Variants in GPHN observed in about 807,000 individuals in gnomAD.
GPHN encodes the protein gephyrin.
GPHN carries 17 observed loss-of-function variants against 95.5 expected under a neutral mutation model. That is an observed-to-expected ratio of 0.18 (90% CI 0.12 to 0.27). The LOEUF (loss-of-function observed/expected upper bound fraction) is 0.27, where lower values mean the gene tolerates loss of function less well. Ranked by LOEUF, GPHN falls within the 10% of genes least tolerant of loss-of-function variation. The pLI, the probability that GPHN is intolerant of heterozygous loss-of-function variation, is 1.00. For synonymous variants in GPHN, 320 were observed against 322.5 expected (o/e 0.99, Z 0.08); for missense variants, 660 against 978.1 (o/e 0.67, Z 4.34).
chr14:67,707,669 G>A, the GPHN span, among the ~76,000 whole-genome samples: 3 of 152,100 alleles, frequency 2.0e-5, no homozygotes, highest in Admixed American at 6.6e-5. Context: ...TTTTACATAG[G>A]CTTTTAAATT....
the GPHN span, among the ~76,000 whole-genome samples, chr14:67,639,556 T>C: frequency 6.6e-6 from 1 of 152,098 alleles, no homozygotes; most frequent in Non-Finnish European, 1.5e-5. Flanking sequence ...TAATGGTTGA[T>C]GTGATTTAAG....
the GPHN span, chr14:67,573,500 T>C: frequency 1.3e-6 from 1 of 759,760 alleles, no homozygotes; most frequent in South Asian, 1.7e-5. The surrounding 1 kb of genome is among the most constrained non-coding windows in gnomAD (Gnocchi z 4.8). Flanking sequence ...GGCAAAGGTC[T>C]GGCAGGTGGG....
chr14:66,718,341 A>G (rs1324521680), intron 2 of GPHN, among the ~76,000 whole-genome samples: 1 of 152,018 alleles, frequency 6.6e-6, no homozygotes, highest in Non-Finnish European at 1.5e-5. Context: ...TAAAGGTGGC[A>G]CGTCCGGAGT....
the GPHN span, among the ~76,000 whole-genome samples, chr14:67,627,558 C>A: frequency 6.6e-6 from 1 of 152,218 alleles, no homozygotes; most frequent in South Asian, 2.1e-4. Flanking sequence ...GTTGACTCAA[C>A]AGCAAATATC....
chr14:66,942,089 G>T (rs1484769776), intron 8 of GPHN, among the ~76,000 whole-genome samples: 1 of 152,120 alleles, frequency 6.6e-6, no homozygotes, highest in Non-Finnish European at 1.5e-5. Context: ...TTGGCTCACT[G>T]CAACCTCCAC....
At chr14:66,967,184 G>GT (rs1439889033) in intron 9 of GPHN, among the ~76,000 whole-genome samples, 8 of 151,802 alleles carry the variant, frequency 5.3e-5, no homozygotes, top group Non-Finnish European at 1.0e-4. Flanking sequence ...TCACTCTGGT[G>GT]TAATTTTTAA....
chr14:66,629,178 T>TAC (rs1279177516), intron 1 of GPHN, among the ~76,000 whole-genome samples: 1 of 136,280 alleles, frequency 7.3e-6, no homozygotes, highest in East Asian at 2.0e-4. Context: ...AATATATATA[T>TAC]ACATATATAA....
At chr14:66,658,326 AT>A (rs1258980171) in intron 1 of GPHN, among the ~76,000 whole-genome samples, 3 of 152,188 alleles carry the variant, frequency 2.0e-5, no homozygotes, top group African/African-American at 7.2e-5. Context: ...TGCTGTGAAT[AT>A]TATTGGAATG....
the GPHN span, chr14:67,473,398 A>G: frequency 6.2e-6 from 10 of 1,608,630 alleles, no homozygotes; most frequent in Non-Finnish European, 8.5e-6. The surrounding 1 kb of genome is among the most constrained non-coding windows in gnomAD (Gnocchi z 6.5). Flanking sequence ...AGAGATCCCC[A>G]GGCCCCCCAC....
intron 1 of GPHN, among the ~76,000 whole-genome samples, chr14:66,605,090 C>T (rs531102228): frequency 2.6e-5 from 4 of 152,160 alleles, no homozygotes; most frequent in Admixed American, 1.3e-4. Flanking sequence ...TTTGCTTTAT[C>T]GACTCTACCA....
chr14:66,926,649 A>G (rs1360127817), intron 8 of GPHN, among the ~76,000 whole-genome samples: 1 of 152,146 alleles, frequency 6.6e-6, no homozygotes, highest in Non-Finnish European at 1.5e-5. Flanking sequence ...ATTAGCTACT[A>G]TAGCTCTGTA....
intron 9 of GPHN, among the ~76,000 whole-genome samples, chr14:66,983,342 C>G (rs1051505700): frequency 6.6e-6 from 1 of 152,194 alleles, no homozygotes; most frequent in African/African-American, 2.4e-5. Context: ...TAATGGAGGA[C>G]TAAAATAAAT....
At chr14:67,259,292 T>TA in the GPHN span, among the ~76,000 whole-genome samples, 4 of 152,030 alleles carry the variant, frequency 2.6e-5, no homozygotes, top group South Asian at 6.2e-4. Flanking sequence ...TGAATGAAAG[T>TA]AAAAAATAAT....
At chr14:67,587,261 C>T in the GPHN span, 2 of 1,612,374 alleles carry the variant, frequency 1.2e-6, no homozygotes, top group Non-Finnish European at 1.7e-6. Context: ...GATTCCCCAA[C>T]ACCACTAGTG....
At chr14:66,516,193 T>G (rs1461174589) in intron 1 of GPHN, among the ~76,000 whole-genome samples, 1 of 150,830 alleles carries the variant, frequency 6.6e-6, no homozygotes, top group Non-Finnish European at 1.5e-5. Flanking sequence ...TTTTTTTGTA[T>G]TTTTAGTAGA....
chr14:66,626,829 GA>G (rs1190157547), intron 1 of GPHN, among the ~76,000 whole-genome samples: 1 of 152,162 alleles, frequency 6.6e-6, no homozygotes, highest in East Asian at 1.9e-4. Flanking sequence ...TACTGGAGAT[GA>G]GATTCTCATG....
At chr14:66,632,685 G>A (rs1182403720) in intron 1 of GPHN, among the ~76,000 whole-genome samples, 1 of 151,750 alleles carries the variant, frequency 6.6e-6, no homozygotes, top group African/African-American at 2.4e-5. Flanking sequence ...TAGAGACGGG[G>A]TTTCACCTTG....
At chr14:67,022,003 TCTCA>T (rs1387861574) in intron 9 of GPHN, among the ~76,000 whole-genome samples, 1 of 152,138 alleles carries the variant, frequency 6.6e-6, no homozygotes, top group Non-Finnish European at 1.5e-5. Flanking sequence ...CAGATTTTTC[TCTCA>T]CTCTTCTAGC....
chr14:66,577,352 G>A (rs1428521285), intron 1 of GPHN, among the ~76,000 whole-genome samples: 1 of 152,164 alleles, frequency 6.6e-6, no homozygotes, highest in Non-Finnish European at 1.5e-5. Context: ...GGTCATGATA[G>A]CTAACAGAAC....
Sources: gnomAD v4.1 joint callset for allele counts (sites outside exome capture counted in the v4.1 genomes callset) on GRCh38, gnomAD v4.1.1 for gene constraint, Gnocchi (gnomAD v3.1) non-coding constraint, MANE v1.5 for transcripts, NCBI Gene and HGNC (gene_info 2026-07-23, HGNC 2026-07-21) for gene names.